Variants in FSTL4 observed in about 807,000 individuals in gnomAD.
The protein encoded by FSTL4 is follistatin like 4, also known as follistatin-related protein 4.
A neutral mutation model predicts 78.2 loss-of-function variants in FSTL4; 28 were observed. The observed-to-expected ratio is 0.36, with a 90% CI of 0.27 to 0.49. The LOEUF (loss-of-function observed/expected upper bound fraction) is 0.49. Ranked by LOEUF, FSTL4 falls within the 20% of genes least tolerant of loss-of-function variation. The pLI is 0.98. For missense variants in FSTL4, 922 were observed against 1,084.9 expected (o/e 0.85, Z 2.11); for synonymous variants, 422 against 440.5 (o/e 0.96, Z 0.53).
At chr5:133,491,151 G>T (rs1758259352) in intron 3 of FSTL4, among the ~76,000 whole-genome samples, 1 of 152,040 alleles carries the variant, frequency 6.6e-6, no homozygotes, top group Admixed American at 6.6e-5. Flanking sequence ...ATTTTTGTTT[G>T]CTTGACATCA....
At chr5:133,325,093 G>T (rs1561672805) in intron 4 of FSTL4, among the ~76,000 whole-genome samples, 1 of 152,232 alleles carries the variant, frequency 6.6e-6, no homozygotes, top group African/African-American at 2.4e-5. Context: ...GAGGAGGAAA[G>T]CTTCTGCCCT....
At chr5:133,650,520 G>T in the FSTL4 span, among the ~76,000 whole-genome samples, 1 of 152,080 alleles carries the variant, frequency 6.6e-6, no homozygotes, top group African/African-American at 2.4e-5. Flanking sequence ...TTTGCACATG[G>T]ATGACCAGTG....
At chr5:133,637,387 C>G in the FSTL4 span, among the ~76,000 whole-genome samples, 1 of 152,062 alleles carries the variant, frequency 6.6e-6, no homozygotes, top group Non-Finnish European at 1.5e-5. Flanking sequence ...CCCTTATTCA[C>G]TCAATAAAAA....
chr5:133,580,808 G>A lies in FSTL4; in HGVS notation c.127-13589C>T, dbSNP rs114941457. ...AGTAAGAACTAGCAGGGGAAGCAGC[G>A]GAGGTCCTAGGGATGGCAGTAGCAT... On this transcript the variant is annotated intron_variant, in intron 2 of 15. Coordinates refer to ENST00000265342, the MANE Select transcript of FSTL4 (RefSeq NM_015082.2). Among the ~76,000 whole-genome samples the A allele has an allele frequency of 3.6e-3, 543 of 152,290 alleles. 3 individuals are homozygous for A. The highest frequency in any genetic ancestry group is 0.012 in the African/African-American group (517 of 41,552).
chr5:133,334,064 C>T (rs1754409959), intron 4 of FSTL4: 1 of 152,296 alleles, frequency 6.6e-6, no homozygotes, highest in African/African-American at 2.4e-5. Context: ...TTCTGCTCCA[C>T]AGGTAATTTG....
chr5:133,393,904 C>A (rs1466116169), intron 4 of FSTL4, among the ~76,000 whole-genome samples: 1 of 152,266 alleles, frequency 6.6e-6, no homozygotes, highest in Non-Finnish European at 1.5e-5. Flanking sequence ...GCACACGAGG[C>A]CCTTTCCACT....
At chr5:133,699,496 A>G in the FSTL4 span, among the ~76,000 whole-genome samples, 2 of 151,920 alleles carry the variant, frequency 1.3e-5, no homozygotes, top group Non-Finnish European at 2.9e-5. Flanking sequence ...TTTTGATTTT[A>G]TTCATAAAGA....
intron 3 of FSTL4, among the ~76,000 whole-genome samples, chr5:133,429,111 G>T (rs1219413328): frequency 6.6e-6 from 1 of 152,118 alleles, no homozygotes; most frequent in African/African-American, 2.4e-5. Context: ...TTCTCCGGAG[G>T]GCCCTAACCT....
chr5:133,398,945 C>T (rs745715978), intron 4 of FSTL4, among the ~76,000 whole-genome samples: 2 of 152,146 alleles, frequency 1.3e-5, no homozygotes, highest in Non-Finnish European at 2.9e-5. Flanking sequence ...TAAATTCAAT[C>T]AGCATGAAGC....
At chr5:133,600,753 T>C (rs1368119428) in intron 2 of FSTL4, among the ~76,000 whole-genome samples, 2 of 152,262 alleles carry the variant, frequency 1.3e-5, no homozygotes, top group Non-Finnish European at 2.9e-5. Context: ...ACTTTAAAGG[T>C]AAATCAAATC....
intron 3 of FSTL4, among the ~76,000 whole-genome samples, chr5:133,470,819 A>G (rs1035222515): frequency 1.3e-5 from 2 of 151,424 alleles, no homozygotes; most frequent in African/African-American, 4.8e-5. Context: ...AATAAATAAA[A>G]ACATGAGTCT....
chr5:133,421,893 G>A (rs1756704237), intron 3 of FSTL4, among the ~76,000 whole-genome samples: 1 of 152,214 alleles, frequency 6.6e-6, no homozygotes, highest in Admixed American at 6.5e-5. Context: ...TATTTGAGTG[G>A]AGGAGACAGG....
intron 3 of FSTL4, among the ~76,000 whole-genome samples, chr5:133,423,655 G>A (rs979463574): frequency 6.6e-6 from 1 of 152,186 alleles, no homozygotes; most frequent in African/African-American, 2.4e-5. Flanking sequence ...AATGGTAGTG[G>A]TGACGGCAGG....
chr5:133,740,593 A>T, the FSTL4 span, among the ~76,000 whole-genome samples: 3 of 152,182 alleles, frequency 2.0e-5, no homozygotes, highest in Admixed American at 1.3e-4. Context: ...GGTGCTCTGT[A>T]ATCAATAAAG....
intron 3 of FSTL4, among the ~76,000 whole-genome samples, chr5:133,402,107 C>A (rs1381482164): frequency 6.6e-6 from 1 of 152,122 alleles, no homozygotes; most frequent in Non-Finnish European, 1.5e-5. Flanking sequence ...CACCAGCAGC[C>A]TTTCCCCACA....
At chr5:133,804,131 A>C in the FSTL4 span, among the ~76,000 whole-genome samples, 1 of 152,270 alleles carries the variant, frequency 6.6e-6, no homozygotes, top group East Asian at 1.9e-4. Flanking sequence ...CTAAATCCCT[A>C]TATTCAATCC....
chr5:133,382,282 C>A (rs137903371), intron 4 of FSTL4, among the ~76,000 whole-genome samples: 329 of 152,336 alleles, frequency 2.2e-3, no homozygotes, highest in South Asian at 1.5e-3. Flanking sequence ...CCCCTGCGGA[C>A]CCATGCTGGA....
the FSTL4 span, among the ~76,000 whole-genome samples, chr5:133,648,023 G>A: frequency 6.6e-6 from 1 of 152,118 alleles, no homozygotes; most frequent in African/African-American, 2.4e-5. Flanking sequence ...CTCTTTGCCT[G>A]CTGCCATCCA....
chr5:133,784,979 G>C, the FSTL4 span, among the ~76,000 whole-genome samples: 1 of 152,186 alleles, frequency 6.6e-6, no homozygotes. Context: ...CTTTGGGGGA[G>C]AAGGAATAGA....
Sources: allele counts gnomAD v4.1 joint callset (sites outside exome capture counted in the v4.1 genomes callset), GRCh38; gene constraint gnomAD v4.1.1; transcripts MANE v1.5; gene names NCBI Gene and HGNC (gene_info 2026-07-23, HGNC 2026-07-21).